Variants in FBF1 observed in about 807,000 individuals in gnomAD.
FBF1 encodes Fas binding factor 1, also known as fas-binding factor 1.
Under a neutral mutation model 147.2 loss-of-function variants are expected in FBF1, and 119 were observed. The observed-to-expected ratio is 0.81, with a 90% confidence interval of 0.70 to 0.94. FBF1 has a LOEUF of 0.94. Among genes scored for constraint, FBF1 ranks in the 40% least tolerant of loss-of-function variants. FBF1 has a pLI of 0.00. For missense variants in FBF1, 1,449 were observed against 1,500.8 expected, an observed-to-expected ratio of 0.97 and a Z score of 0.57; for synonymous variants, 601 against 609.0, an observed-to-expected ratio of 0.99 and a Z score of 0.19.
chr17:75,938,782 C>T (rs1395946384), intron 1 of FBF1, among the ~76,000 whole-genome samples: 1 of 150,738 alleles, frequency 6.6e-6, no homozygotes, highest in African/African-American at 2.4e-5. Flanking sequence ...AGGAGAATCG[C>T]TTGAACCCGC....
rs368638724 is a variant in FBF1 at position 75,923,628 on chromosome 17, C to G, written c.982G>C (p.Asp328His). Reference protein sequence around the residue: ...RRQSVSRFFADSGADPKGEPG... With the variant: ...RRQSVSRFFAHSGADPKGEPG... The stretch of plus-strand genomic sequence containing the variant: ...TCTCCCTTGGGGTCTGCGCCACTGT[C>G]TGCGAAGAACCTACTTCAAGACAGA... Residue 328 changes from aspartate to histidine, a missense_variant, in exon 14 of 30, where the codon GAC becomes CAC. Coordinates refer to ENST00000636174, the MANE Select transcript of FBF1 (RefSeq NM_001319193.2). The surrounding 1 kb of genome is among the most constrained non-coding windows in gnomAD (Gnocchi z 4.1). 8.7e-6 allele frequency: 14 copies of G among 1,603,052 alleles called. No homozygotes were observed. Among genetic ancestry groups the G allele is most frequent in the Non-Finnish European group, 1.2e-5 (14 of 1,174,892 alleles).
At chr17:75,931,357 G>T (rs916687675) in intron 5 of FBF1, 68 bp from the exon 6 acceptor site, 9 of 1,434,316 alleles carry the variant, frequency 6.3e-6, no homozygotes, top group Non-Finnish European at 7.7e-6. Flanking sequence ...AAGGGGAGGA[G>T]TAGCTTAGAA....
Position 75,931,097 on chromosome 17 carries a change from AAAAC to A in FBF1, c.228+128_228+131del, listed in dbSNP as rs2065591758. ...GCAACAGAGGGAGACTCCATCTCAA[AAAAC>A]AAACAAAAAGAACAAAGTGACTTTG... On this transcript the variant is annotated intron_variant, in intron 6 of 29. Coordinates refer to ENST00000636174, the MANE Select transcript of FBF1 (RefSeq NM_001319193.2). 1.3e-5 allele frequency: 13 copies of A among 966,262 alleles called. No homozygotes were observed. The Middle Eastern group carries it at 1.1e-3, about 81-fold the overall frequency. The allele number at this position is 966,262 out of a possible 1,614,324, so 59.9% of individuals were successfully genotyped here.
intron 4 of FBF1, 78 bp from the exon 5 acceptor site, chr17:75,933,166 C>T (rs2065604746): frequency 2.7e-6 from 3 of 1,121,348 alleles, no homozygotes; most frequent in South Asian, 1.4e-5. Context: ...GGCAAGCTCC[C>T]TTCCCAAGCT....
Position 75,926,366 on chromosome 17 carries a change from A to C in FBF1, c.656T>G (p.Phe219Cys). The change falls in exon 11 of 30, where the codon TTT (phenylalanine) becomes TGT (cysteine). Residue 219 changes from phenylalanine (F) to cysteine (C), a missense_variant. Phe to Cys is a radical substitution (Grantham distance 205). Transcript: ENST00000636174. ...GGCCATGATGTCATCCCCATCATCA[A>C]ACAACAATTCTTCTTTTTTTCGGAT... ...TPIRKKEELL[F>C]DDGDDIMATL... The C allele has an allele frequency of 6.2e-7, 1 of 1,610,612 alleles. No homozygotes were observed. The highest frequency in any genetic ancestry group is 1.1e-5 in the South Asian group (1 of 90,436).
intron 3 of FBF1, among the ~76,000 whole-genome samples, chr17:75,936,546 A>G (rs2065626523): frequency 6.6e-6 from 1 of 151,768 alleles, no homozygotes; most frequent in African/African-American, 2.4e-5. Context: ...ATGGTGACAC[A>G]TGCCTGTAAT....
At chr17:75,912,766 C>G (rs978541475) in intron 28 of FBF1, among the ~76,000 whole-genome samples, 1 of 152,204 alleles carries the variant, frequency 6.6e-6, no homozygotes, top group Non-Finnish European at 1.5e-5. Context: ...CCAGGCTGGG[C>G]GCGTTGGCTC....
chr17:75,932,898 A>T, intron 5 of FBF1, 97 bp downstream of exon 5: 5 of 764,052 alleles, frequency 6.5e-6, no homozygotes, highest in South Asian at 2.6e-5. Flanking sequence ...AAAAAAAAAA[A>T]TGGCGAGCAA....
intron 5 of FBF1, 123 bp downstream of exon 5, chr17:75,932,872 A>G: frequency 3.1e-6 from 2 of 636,234 alleles, no homozygotes; most frequent in East Asian, 5.8e-5. Context: ...GGCAACAAAT[A>G]TTCTCTAAAA....
rs1184106754 is a variant in FBF1 at position 75,923,640 on chromosome 17, T to C, written c.970A>G (p.Arg324Gly). The part of the protein sequence containing the change: ...GRQSRRQSVS[R>G]FFADSGADPK... Reference sequence around the variant, plus strand: ...TCTGCGCCACTGTCTGCGAAGAACCTACTTCAAGACAGAAAGGAGGGTGTC... The same window carrying C: ...TCTGCGCCACTGTCTGCGAAGAACCCACTTCAAGACAGAAAGGAGGGTGTC... Residue 324 changes from arginine (R) to glycine (G), a missense_variant and splice_region_variant, in exon 14 of 30, where the codon AGG (arginine) becomes GGG (glycine). Transcript: ENST00000636174. The surrounding 1 kb of genome is among the most constrained non-coding windows in gnomAD (Gnocchi z 4.1). 6.3e-7 allele frequency: 1 copy of C among 1,595,862 alleles called. No individual in the cohort carries two copies. The highest frequency in any genetic ancestry group is 8.5e-7 in the Non-Finnish European group (1 of 1,170,808).
chr17:75,927,779 C>G (rs2065571136), intron 8 of FBF1, among the ~76,000 whole-genome samples: 1 of 152,168 alleles, frequency 6.6e-6, no homozygotes, highest in Admixed American at 6.5e-5. Context: ...TCAGGAGAGG[C>G]ACAGGCTGCC....
At chr17:75,920,589 C>G (rs1017724671) in intron 17 of FBF1, among the ~76,000 whole-genome samples, 160 bp from the exon 18 acceptor site, 2 of 152,186 alleles carry the variant, frequency 1.3e-5, no homozygotes, top group Non-Finnish European at 2.9e-5. Flanking sequence ...TGCGGCTAAG[C>G]AGTCCCCAGT....
At chr17:75,926,468 C>A in intron 10 of FBF1, 42 bp from the exon 11 acceptor site, 1 of 1,506,320 alleles carries the variant, frequency 6.6e-7, no homozygotes, top group South Asian at 1.4e-5. Flanking sequence ...GCCTTCTTGC[C>A]CTCAACTGTG....
chr17:75,920,113 A>G lies in FBF1; in HGVS notation c.1831-6T>C. 1.9e-6 allele frequency: 3 copies of G among 1,581,526 alleles called. No individual in the cohort carries two copies. Among genetic ancestry groups the G allele is most frequent in the Non-Finnish European group, 2.6e-6 (3 of 1,164,800 alleles). On this transcript the variant is annotated splice_polypyrimidine_tract_variant and splice_region_variant and intron_variant, in intron 18 of 29. Transcript: ENST00000636174. ...TCTAGCTCCAGCTTCCGCACCTGGG[A>G]GACAGCAGGAGGGCCAGCAACCAGG...
chr17:75,911,228 C>G (rs1302576973), intron 29 of FBF1, among the ~76,000 whole-genome samples: 1 of 152,000 alleles, frequency 6.6e-6, no homozygotes, highest in Non-Finnish European at 1.5e-5. Flanking sequence ...TGAGACCAGC[C>G]GAGGCAACAT....
chr17:75,921,268 G>A lies in FBF1; in HGVS notation c.1650C>T (p.Pro550=). The A allele has an allele frequency of 6.3e-7, 1 of 1,592,668 alleles. No individual in the cohort carries two copies. Among genetic ancestry groups the A allele is most frequent in the South Asian group, 1.1e-5 (1 of 87,518 alleles). The part of the protein sequence containing the change: ...PATCFPSTQK[P]TEPSVPVQPL... ...CCTGGACGGGCACGGAAGGCTCTGT[G>A]GGTTTCTGGGTGCTCGGGAAACACG... Residue 550 remains proline (P), a synonymous_variant, in exon 17 of 30, where the codon CCC becomes CCT. Transcript: ENST00000636174.
rs1198220694 is a variant in FBF1, at chr17:75,919,805, C to T, written c.2001G>A (p.Glu667=). The T allele has an allele frequency of 6.2e-7, 1 of 1,613,790 alleles. No individual in the cohort carries two copies. Among genetic ancestry groups the T allele is most frequent in the African/African-American group, 1.3e-5 (1 of 75,056 alleles). The part of the protein sequence containing the change: ...REERLRRENE[E]LSARYLSQCQ... ...ACTGCGACAGATACCGAGCTGACAGCTCTTCGTTCTCTCTCCGGAGCCGCT... is the reference window on the plus strand; with the variant it reads ...ACTGCGACAGATACCGAGCTGACAGTTCTTCGTTCTCTCTCCGGAGCCGCT... Residue 667 remains glutamate (E), a synonymous_variant, in exon 20 of 30, where the codon GAG becomes GAA. Transcript: ENST00000636174. The surrounding 1 kb of genome is among the most constrained non-coding windows in gnomAD (Gnocchi z 5.0).
chr17:75,936,350 G>A (rs113384220), intron 3 of FBF1, among the ~76,000 whole-genome samples: 1,500 of 149,982 alleles, frequency 0.01, 15 homozygotes, highest in African/African-American at 0.035. Context: ...AAATTAGCTG[G>A]GCCTGGTGGC....
rs141629304 is a variant in FBF1 at position 75,925,851 on chromosome 17, C to T, written c.868+179G>A. On this transcript the variant is annotated intron_variant, in intron 12 of 29. Coordinates refer to ENST00000636174, the MANE Select transcript of FBF1 (RefSeq NM_001319193.2). The surrounding 1 kb of genome is among the most constrained non-coding windows in gnomAD (Gnocchi z 5.0). Reference sequence around the variant, plus strand: ...CATCTCAATCATAGACAACTGAGCACGAACAGTGGTCACGGTAAGTATTAT... The same window carrying T: ...CATCTCAATCATAGACAACTGAGCATGAACAGTGGTCACGGTAAGTATTAT... 3.2e-3 allele frequency among the ~76,000 whole-genome samples: 494 copies of T among 152,302 alleles called. 1 individual carries two copies. The highest frequency in any genetic ancestry group is 0.011 in the African/African-American group (460 of 41,562).
Sources: allele counts gnomAD v4.1 joint callset (sites outside exome capture counted in the v4.1 genomes callset), GRCh38; gene constraint gnomAD v4.1.1; non-coding constraint Gnocchi (gnomAD v3.1); transcripts MANE v1.5; gene names NCBI Gene and HGNC (gene_info 2026-07-23, HGNC 2026-07-21).